Variants in ELMO1 observed in about 807,000 individuals in gnomAD.
ELMO1 encodes the protein engulfment and cell motility 1, also known as engulfment and cell motility protein 1.
A neutral mutation model predicts 98.9 loss-of-function variants in ELMO1; 26 were observed. That is an observed-to-expected ratio of 0.26 (90% CI 0.19 to 0.36). ELMO1 has a LOEUF of 0.36. Ranked by LOEUF, ELMO1 falls within the 10% of genes least tolerant of loss-of-function variation. The pLI is 1.00. For missense variants in ELMO1, 627 were observed against 935.2 expected, an observed-to-expected ratio of 0.67 and a Z score of 4.30; for synonymous variants, 346 against 346.0, an observed-to-expected ratio of 1.00 and a Z score of 0.00.
At chr7:37,433,301 A>G (rs1583755795) in intron 1 of ELMO1, among the ~76,000 whole-genome samples, 1 of 152,210 alleles carries the variant, frequency 6.6e-6, no homozygotes, top group Non-Finnish European at 1.5e-5. Flanking sequence ...GCCTGGGAAC[A>G]CCTGCCGTGA....
chr7:37,370,725 AC>A (rs1802084396), intron 1 of ELMO1, among the ~76,000 whole-genome samples: 2 of 152,266 alleles, frequency 1.3e-5, no homozygotes, highest in Admixed American at 6.5e-5. Context: ...ACCATTTTAC[AC>A]CCAAAAGGCT....
intron 1 of ELMO1, among the ~76,000 whole-genome samples, chr7:37,348,694 C>G (rs1043331673): frequency 3.3e-5 from 5 of 152,070 alleles, no homozygotes; most frequent in Non-Finnish European, 5.9e-5. Flanking sequence ...AGACAGAAAT[C>G]GCTTTGACTC....
At chr7:36,984,119 G>A (rs919228263) in intron 16 of ELMO1, among the ~76,000 whole-genome samples, 1 of 152,142 alleles carries the variant, frequency 6.6e-6, no homozygotes, top group East Asian at 1.9e-4. Context: ...TGACTCTAAC[G>A]AGCTGACTGT....
At chr7:36,926,700 T>C (rs1049723455) in intron 16 of ELMO1, among the ~76,000 whole-genome samples, 1 of 152,224 alleles carries the variant, frequency 6.6e-6, no homozygotes, top group Non-Finnish European at 1.5e-5. Context: ...GTGCTCTTAA[T>C]ATACGGAGAT....
chr7:37,373,995 AT>A (rs1295009890), intron 1 of ELMO1, among the ~76,000 whole-genome samples: 3 of 152,148 alleles, frequency 2.0e-5, no homozygotes, highest in Non-Finnish European at 2.9e-5. Context: ...TTCGTTACTT[AT>A]TTTATTGTTG....
At chr7:37,235,463 A>G (rs2130644683) in intron 7 of ELMO1, among the ~76,000 whole-genome samples, 1 of 152,334 alleles carries the variant, frequency 6.6e-6, no homozygotes, top group Non-Finnish European at 1.5e-5. Context: ...CTAATAGTGG[A>G]TATTTGGTCA....
intron 12 of ELMO1, 87 bp downstream of exon 12, chr7:37,213,248 C>G: frequency 6.7e-7 from 1 of 1,487,840 alleles, no homozygotes; most frequent in South Asian, 1.3e-5. Flanking sequence ...CTCTGAAACT[C>G]CCTAGTTTCA....
At chr7:37,221,672 T>G (rs1358108548) in intron 10 of ELMO1, among the ~76,000 whole-genome samples, 1 of 151,970 alleles carries the variant, frequency 6.6e-6, no homozygotes, top group East Asian at 1.9e-4. Flanking sequence ...AGGTTCCATG[T>G]ATGTATATTA....
At chr7:37,315,562 A>C (rs1799110516) in intron 3 of ELMO1, among the ~76,000 whole-genome samples, 1 of 152,188 alleles carries the variant, frequency 6.6e-6, no homozygotes, top group Non-Finnish European at 1.5e-5. Flanking sequence ...CAATTCTTTC[A>C]TCCTCTATGG....
At chr7:37,301,840 A>G (rs536232042) in intron 4 of ELMO1, among the ~76,000 whole-genome samples, 24 of 152,172 alleles carry the variant, frequency 1.6e-4, no homozygotes, top group Non-Finnish European at 2.4e-4. Context: ...AAAAGAAGCA[A>G]TAGATCTCTA....
chr7:37,351,913 C>G (rs1801287159), intron 1 of ELMO1, among the ~76,000 whole-genome samples: 1 of 152,216 alleles, frequency 6.6e-6, no homozygotes, highest in African/African-American at 2.4e-5. Context: ...CCTGCCTTTC[C>G]TCTGTGGGAC....
chr7:37,280,119 CA>C (rs1366792092), intron 4 of ELMO1, among the ~76,000 whole-genome samples: 1 of 152,162 alleles, frequency 6.6e-6, no homozygotes, highest in African/African-American at 2.4e-5. Context: ...CCCTTTTCAA[CA>C]AATGATGCTA....
intron 13 of ELMO1, among the ~76,000 whole-genome samples, chr7:37,165,216 T>A (rs1173312804): frequency 2.0e-5 from 3 of 152,370 alleles, no homozygotes; most frequent in Admixed American, 2.0e-4. Context: ...AAGTTGCTTA[T>A]CAGCTTAAGG....
intron 1 of ELMO1, among the ~76,000 whole-genome samples, chr7:37,397,688 A>C (rs1803355483): frequency 6.6e-6 from 1 of 152,214 alleles, no homozygotes; most frequent in Non-Finnish European, 1.5e-5. Flanking sequence ...CTATTACAAA[A>C]ATACATGCAT....
chr7:37,361,700 C>T (rs1264829010), intron 1 of ELMO1, among the ~76,000 whole-genome samples: 5 of 152,162 alleles, frequency 3.3e-5, no homozygotes, highest in African/African-American at 7.2e-5. Flanking sequence ...GGCTCAAGCC[C>T]GTAATCCCAG....
chr7:36,969,769 T>G (rs1217589942), intron 16 of ELMO1, among the ~76,000 whole-genome samples: 2 of 152,182 alleles, frequency 1.3e-5, no homozygotes, highest in Admixed American at 1.3e-4. Context: ...CTACATCTAG[T>G]AAAGGATGAA....
chr7:37,273,643 A>G (rs1453204082), intron 4 of ELMO1, among the ~76,000 whole-genome samples: 1 of 152,120 alleles, frequency 6.6e-6, no homozygotes, highest in Non-Finnish European at 1.5e-5. Flanking sequence ...CAGAGTACAC[A>G]CCACACCCAA....
intron 16 of ELMO1, chr7:36,984,802 A>G: frequency 1.4e-6 from 1 of 719,838 alleles, no homozygotes; most frequent in Non-Finnish European, 1.7e-6. Context: ...TTTTAAAAAA[A>G]GTAACATGAT....
chr7:37,020,161 T>TTCC (rs1464148648), intron 15 of ELMO1, among the ~76,000 whole-genome samples: 2 of 152,094 alleles, frequency 1.3e-5, no homozygotes, highest in Non-Finnish European at 2.9e-5. Context: ...GGCTCCAGAT[T>TTCC]TCCTACCTGC....
Sources: gnomAD v4.1 joint callset for allele counts (sites outside exome capture counted in the v4.1 genomes callset) on GRCh38, gnomAD v4.1.1 for gene constraint, MANE v1.5 for transcripts, NCBI Gene and HGNC (gene_info 2026-07-23, HGNC 2026-07-21) for gene names.